PLA2G4A: variants seen among roughly 807,000 people sequenced by gnomAD.
PLA2G4A encodes cytosolic phospholipase A2.
PLA2G4A carries 40 observed loss-of-function variants against 81.9 expected under a neutral mutation model. The observed-to-expected ratio is 0.49, with a 90% CI of 0.38 to 0.64. The LOEUF (loss-of-function observed/expected upper bound fraction) is 0.64, where lower values mean the gene tolerates loss of function less well. Among genes scored for constraint, PLA2G4A ranks in the 30% least tolerant of loss-of-function variants. PLA2G4A has a pLI of 0.00. For synonymous variants in PLA2G4A, 302 were observed against 296.9 expected, an observed-to-expected ratio of 1.02 and a Z score of -0.18; for missense variants, 715 against 905.1, an observed-to-expected ratio of 0.79 and a Z score of 2.69.
At chr1:186,917,662 T>A (rs1655187156) in intron 7 of PLA2G4A, among the ~76,000 whole-genome samples, 1 of 152,140 alleles carries the variant, frequency 6.6e-6, no homozygotes, top group Non-Finnish European at 1.5e-5. Flanking sequence ...AGGAATAAGA[T>A]CTTGGAGAAG....
rs142594758 is a variant in PLA2G4A, at chr1:186,887,344, A to G, written c.116-5667A>G. On this transcript the variant is annotated intron_variant, in intron 3 of 17. Transcript: ENST00000367466. Reference sequence around the variant, plus strand: ...AAGCTGCCATGAGTTCATGAATCACATGATATATTACTTGGACAAAGCTGA... The same window carrying G: ...AAGCTGCCATGAGTTCATGAATCACGTGATATATTACTTGGACAAAGCTGA... Among the ~76,000 whole-genome samples, 704 of 152,284 alleles carry G rather than the reference A, an allele frequency of 4.6e-3. 3 individuals are homozygous for G. Among genetic ancestry groups the G allele is most frequent in the African/African-American group, 0.016 (674 of 41,582 alleles).
intron 3 of PLA2G4A, among the ~76,000 whole-genome samples, chr1:186,882,300 T>C (rs1030998150): frequency 6.6e-6 from 1 of 152,140 alleles, no homozygotes; most frequent in Non-Finnish European, 1.5e-5. Context: ...AAGGAAAGAA[T>C]GGAGAGAACA....
chr1:186,862,672 C>A (rs748400389), intron 2 of PLA2G4A, among the ~76,000 whole-genome samples: 44 of 152,136 alleles, frequency 2.9e-4, no homozygotes, highest in Non-Finnish European at 5.3e-4. Flanking sequence ...CATTTGAAAA[C>A]CATCTGTGCA....
chr1:186,922,620 G>A (rs1332055618), intron 7 of PLA2G4A, among the ~76,000 whole-genome samples: 1 of 152,190 alleles, frequency 6.6e-6, no homozygotes, highest in Admixed American at 6.5e-5. Context: ...GCCACCTAAG[G>A]AGCTGCCTCG....
chr1:186,885,278 C>G (rs1439086616), intron 3 of PLA2G4A, among the ~76,000 whole-genome samples: 1 of 151,974 alleles, frequency 6.6e-6, no homozygotes, highest in African/African-American at 2.4e-5. Context: ...TAAGAGGAAA[C>G]AAACAAACAA....
intron 7 of PLA2G4A, among the ~76,000 whole-genome samples, chr1:186,921,551 A>G (rs1258373461): frequency 6.6e-6 from 1 of 152,170 alleles, no homozygotes; most frequent in East Asian, 1.9e-4. Flanking sequence ...GTCTTGGGCC[A>G]TAAGCAAGCT....
intron 3 of PLA2G4A, among the ~76,000 whole-genome samples, chr1:186,876,006 G>A (rs1334887152): frequency 2.6e-5 from 4 of 152,036 alleles, no homozygotes; most frequent in Non-Finnish European, 5.9e-5. Context: ...TTTAGACCAC[G>A]TGCTTTCTTG....
intron 2 of PLA2G4A, among the ~76,000 whole-genome samples, chr1:186,868,806 C>T (rs1182274168): frequency 6.6e-6 from 1 of 152,004 alleles, no homozygotes; most frequent in Admixed American, 6.6e-5. Context: ...TTATCAAATT[C>T]GTGAGCATAG....
chr1:186,905,207 C>T (rs1359460892), intron 5 of PLA2G4A, among the ~76,000 whole-genome samples: 4 of 152,150 alleles, frequency 2.6e-5, no homozygotes, highest in Non-Finnish European at 1.5e-5. Context: ...AGCTGGGAAA[C>T]CAGCATTTTC....
At chr1:186,936,371 T>C (rs989675736) in intron 8 of PLA2G4A, among the ~76,000 whole-genome samples, 5 of 152,022 alleles carry the variant, frequency 3.3e-5, no homozygotes, top group Non-Finnish European at 5.9e-5. Context: ...TAAGTTTGTC[T>C]TCTTCCCTAA....
intron 8 of PLA2G4A, among the ~76,000 whole-genome samples, chr1:186,933,733 T>C (rs1655833486): frequency 6.6e-6 from 1 of 152,162 alleles, no homozygotes; most frequent in African/African-American, 2.4e-5. Context: ...TCTGTGTCAT[T>C]TTATCTTGTG....
chr1:186,831,449 A>G (rs971303943), intron 1 of PLA2G4A, among the ~76,000 whole-genome samples: 1 of 152,156 alleles, frequency 6.6e-6, no homozygotes, highest in Non-Finnish European at 1.5e-5. Context: ...ACTGTACAAT[A>G]TTACGCTTGA....
At position 186,932,738 on chromosome 1, in the gene PLA2G4A, A is replaced by G. The variant is rs767358969; in HGVS notation, c.559-25A>G. 6.6e-5 allele frequency: 106 copies of G among 1,610,632 alleles called. No individual in the cohort carries two copies. The South Asian group carries it at 1.1e-3, about 17-fold the overall frequency. On this transcript the variant is annotated intron_variant, in intron 7 of 17. Coordinates refer to ENST00000367466, the MANE Select transcript of PLA2G4A (RefSeq NM_024420.3). ...ATTTTATGATTTTTACTTTGTGTAC[A>G]AATCTCTCTGTTGCATCGTTTCAGG... is the stretch of plus-strand genomic sequence containing the variant.
At chr1:186,923,454 T>A (rs943389584) in intron 7 of PLA2G4A, among the ~76,000 whole-genome samples, 8 of 152,246 alleles carry the variant, frequency 5.3e-5, no homozygotes, top group African/African-American at 1.9e-4. Flanking sequence ...CATTTGTAAT[T>A]TATTGAGATA....
Position 186,893,041 on chromosome 1 carries a change from T to G in PLA2G4A, c.146T>G (p.Phe49Cys). ...ACTCCAGATCCCTATGTGGAACTTT[T>G]TATCTCTACAACCCCTGACAGCAGG... ...LDTPDPYVEL[F>C]ISTTPDSRKR... Residue 49 changes from phenylalanine (F) to cysteine (C), a missense_variant, in exon 4 of 18, where the codon TTT (phenylalanine) becomes TGT (cysteine). Phe to Cys is a radical substitution (Grantham distance 205). Transcript: ENST00000367466. 4.3e-6 allele frequency: 7 copies of G among 1,611,082 alleles called. No homozygotes were observed. Among genetic ancestry groups the G allele is most frequent in the Non-Finnish European group, 5.9e-6 (7 of 1,177,212 alleles).
At chr1:186,953,156 T>C (rs1656623465) in intron 13 of PLA2G4A, among the ~76,000 whole-genome samples, 1 of 152,214 alleles carries the variant, frequency 6.6e-6, no homozygotes, top group Admixed American at 6.5e-5. Flanking sequence ...TCTTCCAAAG[T>C]GGCTGTACCA....
intron 2 of PLA2G4A, among the ~76,000 whole-genome samples, chr1:186,856,656 A>G (rs191212615): frequency 8.6e-4 from 131 of 152,106 alleles, no homozygotes; most frequent in South Asian, 5.2e-3. Flanking sequence ...TGAAAAAATT[A>G]TTTATAATAA....
At chr1:186,917,817 A>C (rs957149412) in intron 7 of PLA2G4A, among the ~76,000 whole-genome samples, 1 of 152,218 alleles carries the variant, frequency 6.6e-6, no homozygotes, top group Admixed American at 6.5e-5. Context: ...CCTCAAAAGG[A>C]GCTGCTCCAT....
At chr1:186,834,386 T>TC in intron 1 of PLA2G4A, among the ~76,000 whole-genome samples, 1 of 152,300 alleles carries the variant, frequency 6.6e-6, no homozygotes, top group Middle Eastern at 3.4e-3. Context: ...AACGTTTTTT[T>TC]CTTTTTTTTA....
Sources: allele counts gnomAD v4.1 joint callset (sites outside exome capture counted in the v4.1 genomes callset), GRCh38; gene constraint gnomAD v4.1.1; transcripts MANE v1.5; gene names NCBI Gene and HGNC (gene_info 2026-07-23, HGNC 2026-07-21).